PDE12: variants seen among roughly 807,000 people sequenced by gnomAD.
PDE12 encodes 2',5'-phosphodiesterase 12.
A neutral mutation model predicts 45.4 loss-of-function variants in PDE12; 26 were observed. The ratio of observed to expected loss-of-function variants is 0.57; its 90% CI spans 0.42 to 0.79. The LOEUF is 0.79. PDE12 is among the 30% of genes least tolerant of loss of function. The pLI is 0.00. For synonymous variants in PDE12, 283 were observed against 323.9 expected, an observed-to-expected ratio of 0.87 and a Z score of 1.36; for missense variants, 668 against 790.0, an observed-to-expected ratio of 0.85 and a Z score of 1.85.
chr3:57,609,602 A>T, the PDE12 span, among the ~76,000 whole-genome samples: 3 of 152,206 alleles, frequency 2.0e-5, no homozygotes, highest in African/African-American at 2.4e-5. Flanking sequence ...AATACTATAA[A>T]CACCTTTATG....
At chr3:57,596,256 T>C in the PDE12 span, among the ~76,000 whole-genome samples, 1 of 152,292 alleles carries the variant, frequency 6.6e-6, no homozygotes, top group South Asian at 2.1e-4. Context: ...ACCATAAAAT[T>C]CAGCGTCATG....
chr3:57,572,046 T>C, the PDE12 span: 12 of 548,230 alleles, frequency 2.2e-5, no homozygotes, highest in Non-Finnish European at 3.9e-5. Flanking sequence ...CATTGCTAAA[T>C]AGCAACATTA....
chr3:57,619,937 A>G, the PDE12 span, among the ~76,000 whole-genome samples: 1 of 152,068 alleles, frequency 6.6e-6, no homozygotes. Context: ...GTGATGAAAA[A>G]TTGAGGCCGG....
chr3:57,624,774 AAAG>A, the PDE12 span, among the ~76,000 whole-genome samples: 1 of 152,192 alleles, frequency 6.6e-6, no homozygotes, highest in South Asian at 2.1e-4. Flanking sequence ...AAGAAAAAAA[AAAG>A]AATAATATAA....
chr3:57,634,690 A>G, the PDE12 span: 6 of 1,526,968 alleles, frequency 3.9e-6, no homozygotes, highest in Admixed American at 1.0e-4. Flanking sequence ...TTAAAAATCA[A>G]TAAAAGTCAA....
At chr3:57,630,785 T>G in the PDE12 span, 1 of 1,614,078 alleles carries the variant, frequency 6.2e-7, no homozygotes, top group Non-Finnish European at 8.5e-7. Context: ...AGTGTTTTCA[T>G]AAATTCTTCT....
rs1459971043 is a variant in PDE12 at position 57,563,378 on chromosome 3, T to C, written c.*3374T>C. On this transcript the variant is annotated 3_prime_UTR_variant, in exon 3 of 3. Transcript: ENST00000311180. The stretch of plus-strand genomic sequence containing the variant: ...TCTTTTTTTATTATTATACTTTAAG[T>C]TCTAGTGTACATGTGCCCAACGTGC... 6.6e-6 allele frequency: 1 copy of C among 152,142 alleles called. No homozygotes were observed. The highest frequency in any genetic ancestry group is 1.5e-5 in the Non-Finnish European group (1 of 68,036). 9.4% of individuals were successfully genotyped at this position (152,142 alleles called of 1,614,324 possible).
At chr3:57,620,321 C>T in the PDE12 span, among the ~76,000 whole-genome samples, 1 of 151,696 alleles carries the variant, frequency 6.6e-6, no homozygotes, top group Admixed American at 6.6e-5. Context: ...GAGGCTGAGG[C>T]AGGAGGATCA....
chr3:57,574,786 TAGTG>T, the PDE12 span, among the ~76,000 whole-genome samples: 1 of 152,004 alleles, frequency 6.6e-6, no homozygotes, highest in African/African-American at 2.4e-5. Context: ...TAGGCTGAGA[TAGTG>T]AGAGGATTGC....
chr3:57,632,688 C>G, the PDE12 span, among the ~76,000 whole-genome samples: 1 of 152,138 alleles, frequency 6.6e-6, no homozygotes, highest in Non-Finnish European at 1.5e-5. Flanking sequence ...GTTTCCAGAG[C>G]AGGGCCACAT....
chr3:57,589,179 G>A, the PDE12 span, among the ~76,000 whole-genome samples: 1 of 152,040 alleles, frequency 6.6e-6, no homozygotes, highest in Non-Finnish European at 1.5e-5. Context: ...GAGATGGGAG[G>A]ATCACTTGAC....
chr3:57,640,994 C>T, the PDE12 span, among the ~76,000 whole-genome samples: 4 of 151,594 alleles, frequency 2.6e-5, no homozygotes, highest in African/African-American at 7.3e-5. Flanking sequence ...AAATCAATAA[C>T]CTGTGCTACA....
At chr3:57,653,744 T>G in the PDE12 span, among the ~76,000 whole-genome samples, 1 of 84,724 alleles carries the variant, frequency 1.2e-5, no homozygotes, top group Admixed American at 1.4e-4. Context: ...AGACTCCATC[T>G]AAAAAAAAAA....
At chr3:57,558,614 C>T (rs2069691860) in intron 1 of PDE12, among the ~76,000 whole-genome samples, 1 of 152,062 alleles carries the variant, frequency 6.6e-6, no homozygotes, top group Admixed American at 6.5e-5. Flanking sequence ...CCTCAGCCTC[C>T]CTAGTAGCTG....
At chr3:57,558,360 G>A (rs1271571743) in intron 1 of PDE12, among the ~76,000 whole-genome samples, 2 of 152,126 alleles carry the variant, frequency 1.3e-5, no homozygotes, top group African/African-American at 2.4e-5. Flanking sequence ...GCTATAAATG[G>A]TGAAATGAGT....
At position 57,565,807 on chromosome 3, in the gene PDE12, TAAA is replaced by T. The variant is rs2069781425; in HGVS notation, c.*5805_*5807del. 1 of 151,988 alleles carries T rather than the reference TAAA, an allele frequency of 6.6e-6. No homozygotes were observed. Among genetic ancestry groups the T allele is most frequent in the South Asian group, 2.1e-4 (1 of 4,824 alleles). 9.4% of individuals were successfully genotyped at this position (151,988 alleles called of 1,614,324 possible). On this transcript the variant is annotated 3_prime_UTR_variant, in exon 3 of 3. Transcript: ENST00000311180. Reference sequence around the variant, plus strand: ...ACAAAGCGGGACTCTGTCTCAAAAATAAAATAAAATAAAATTTTAAAAAAAGGA... The same window carrying T: ...ACAAAGCGGGACTCTGTCTCAAAAATATAAAATAAAATTTTAAAAAAAGGA...
At chr3:57,616,499 G>A in the PDE12 span, among the ~76,000 whole-genome samples, 2 of 151,464 alleles carry the variant, frequency 1.3e-5, no homozygotes, top group Non-Finnish European at 2.9e-5. Flanking sequence ...AGGAAGAGGA[G>A]GAGGAAGAGG....
At chr3:57,651,255 A>C in the PDE12 span, among the ~76,000 whole-genome samples, 1 of 152,226 alleles carries the variant, frequency 6.6e-6, no homozygotes, top group African/African-American at 2.4e-5. Context: ...TTGTAAACTG[A>C]AAATATCAAA....
the PDE12 span, among the ~76,000 whole-genome samples, chr3:57,647,296 A>G: frequency 6.6e-6 from 1 of 152,168 alleles, no homozygotes; most frequent in East Asian, 1.9e-4. Flanking sequence ...AAAGAAACAA[A>G]CAACAACAAA....
Sources: gnomAD v4.1 joint callset for allele counts (sites outside exome capture counted in the v4.1 genomes callset) on GRCh38, gnomAD v4.1.1 for gene constraint, MANE v1.5 for transcripts, NCBI Gene and HGNC (gene_info 2026-07-23, HGNC 2026-07-21) for gene names.